The following PALLD variants were observed in gnomAD, a reference collection of about 807,000 sequenced individuals.
PALLD encodes palladin.
A neutral mutation model predicts 123.5 loss-of-function variants in PALLD; 61 were observed. The ratio of observed to expected loss-of-function variants is 0.49; its 90% CI spans 0.40 to 0.61. The LOEUF (loss-of-function observed/expected upper bound fraction) is 0.61, where lower values mean the gene tolerates loss of function less well. Ranked by LOEUF, PALLD falls within the 20% of genes least tolerant of loss-of-function variation. The pLI is 0.00. For missense variants in PALLD, 1,273 were observed against 1,377.0 expected (o/e 0.92, Z 1.20); for synonymous variants, 465 against 496.4 (o/e 0.94, Z 0.84).
chr4:168,713,126 C>T (rs1397308350), intron 10 of PALLD, among the ~76,000 whole-genome samples: 5 of 152,192 alleles, frequency 3.3e-5, no homozygotes, highest in African/African-American at 1.2e-4. Context: ...TTGCTACCCT[C>T]TACTTAATTT....
intron 10 of PALLD, among the ~76,000 whole-genome samples, chr4:168,819,847 A>G (rs1280800853): frequency 6.6e-6 from 1 of 152,232 alleles, no homozygotes; most frequent in Non-Finnish European, 1.5e-5. Flanking sequence ...GTTAAATGTA[A>G]TCTCATCCAA....
intron 2 of PALLD, among the ~76,000 whole-genome samples, chr4:168,624,665 G>A (rs1775068130): frequency 6.6e-6 from 1 of 152,092 alleles, no homozygotes; most frequent in African/African-American, 2.4e-5. Flanking sequence ...TTTATTTTTA[G>A]ATTACATTAT....
intron 2 of PALLD, among the ~76,000 whole-genome samples, chr4:168,553,836 C>A (rs1254226548): frequency 1.3e-5 from 2 of 152,134 alleles, no homozygotes; most frequent in African/African-American, 4.8e-5. Context: ...TGTTCTTTCT[C>A]CTCTCCCTCC....
chr4:168,691,547 A>G (rs1011102778), intron 8 of PALLD, among the ~76,000 whole-genome samples: 13 of 152,212 alleles, frequency 8.5e-5, no homozygotes. Flanking sequence ...CAGTGACTTC[A>G]TGCTTTTTAA....
intron 2 of PALLD, among the ~76,000 whole-genome samples, chr4:168,655,509 A>G (rs563873383): frequency 2.0e-4 from 30 of 152,336 alleles, no homozygotes; most frequent in Admixed American, 8.5e-4. Flanking sequence ...AATCACCACC[A>G]AATCTGGCTG....
At chr4:168,600,074 C>CATACATGTGTGT (rs1561291310) in intron 2 of PALLD, among the ~76,000 whole-genome samples, 58 of 64,472 alleles carry the variant, frequency 9.0e-4, no homozygotes, top group Middle Eastern at 0.013. Flanking sequence ...CATGTGTATA[C>CATACATGTGTGT]ACACACATAT....
chr4:168,501,191 T>C lies in PALLD; in HGVS notation c.-83+3997T>C, dbSNP rs376331613. ...AACTCAGGAGCCTGAGGCAGGAGGA[T>C]TGCAGAGGCCAAGAGTTCAAGACAA... On this transcript the variant is annotated intron_variant, in intron 1 of 21. Transcript: ENST00000505667. Among the ~76,000 whole-genome samples, 73 of 152,272 alleles carry C rather than the reference T, an allele frequency of 4.8e-4. 2 individuals are homozygous for C. The highest frequency in any genetic ancestry group is 1.7e-3 in the African/African-American group (70 of 41,564).
chr4:168,869,097 C>T lies in PALLD; in HGVS notation c.1965-21825C>T, dbSNP rs906237079. Among the ~76,000 whole-genome samples, 1 of 152,112 alleles carries T rather than the reference C, an allele frequency of 6.6e-6. No homozygotes were observed. Among genetic ancestry groups the T allele is most frequent in the Non-Finnish European group, 1.5e-5 (1 of 68,036 alleles). ...CGTTCTCATTCGGGTTTGGGAGTTTCACATTTTGGATACTAACAAGCCAGA... is the reference window on the plus strand; with the variant it reads ...CGTTCTCATTCGGGTTTGGGAGTTTTACATTTTGGATACTAACAAGCCAGA... On this transcript the variant is annotated intron_variant, in intron 10 of 21. Coordinates refer to ENST00000505667, the MANE Select transcript of PALLD (RefSeq NM_001166108.2). The surrounding 1 kb of genome is among the most constrained non-coding windows in gnomAD (Gnocchi z 4.5).
At chr4:168,583,742 A>G (rs1770525849) in intron 2 of PALLD, among the ~76,000 whole-genome samples, 1 of 152,084 alleles carries the variant, frequency 6.6e-6, no homozygotes, top group Non-Finnish European at 1.5e-5. Context: ...CTGTGATAAT[A>G]TTTTTCTTTT....
At chr4:168,883,504 T>G (rs372395880) in intron 10 of PALLD, among the ~76,000 whole-genome samples, 8 of 152,336 alleles carry the variant, frequency 5.3e-5, no homozygotes, top group African/African-American at 1.9e-4. Context: ...CTTATCTCTT[T>G]AATCAATATT....
intron 10 of PALLD, among the ~76,000 whole-genome samples, chr4:168,728,647 G>T (rs1786832315): frequency 6.6e-6 from 1 of 152,156 alleles, no homozygotes; most frequent in Non-Finnish European, 1.5e-5. Context: ...TATTATCAGT[G>T]AAAAGAGATA....
intron 1 of PALLD, among the ~76,000 whole-genome samples, chr4:168,509,805 G>A (rs959951282): frequency 5.3e-5 from 8 of 152,164 alleles, no homozygotes; most frequent in African/African-American, 1.9e-4. Flanking sequence ...GATGGGGTAT[G>A]TTAACATTGA....
At chr4:168,794,263 G>A (rs1242650446) in intron 10 of PALLD, among the ~76,000 whole-genome samples, 2 of 152,048 alleles carry the variant, frequency 1.3e-5, no homozygotes, top group Non-Finnish European at 2.9e-5. Context: ...GCCTGTCCTC[G>A]GGCAGTGAGA....
intron 10 of PALLD, among the ~76,000 whole-genome samples, chr4:168,772,939 G>A (rs1411954827): frequency 6.6e-6 from 1 of 152,092 alleles, no homozygotes; most frequent in Non-Finnish European, 1.5e-5. Flanking sequence ...GCTCATGCTT[G>A]CTCTCTTGGG....
chr4:168,903,527 A>G (rs1368078584), intron 14 of PALLD, among the ~76,000 whole-genome samples: 1 of 152,200 alleles, frequency 6.6e-6, no homozygotes, highest in African/African-American at 2.4e-5. Flanking sequence ...TGTAAGTGCA[A>G]TATTTTTAAA....
At chr4:168,685,718 T>G (rs527404799) in intron 6 of PALLD, among the ~76,000 whole-genome samples, 159 bp downstream of exon 6, 1 of 149,942 alleles carries the variant, frequency 6.7e-6, no homozygotes, top group East Asian at 2.0e-4. Flanking sequence ...GTTGAACGAC[T>G]GCCGTGTGAC....
At chr4:168,588,317 G>A (rs1189118692) in intron 2 of PALLD, among the ~76,000 whole-genome samples, 1 of 152,180 alleles carries the variant, frequency 6.6e-6, no homozygotes, top group Non-Finnish European at 1.5e-5. Context: ...GGGAAAGAGA[G>A]GAGCACCTTA....
chr4:168,511,588 G>A lies in PALLD; in HGVS notation c.84G>A (p.Pro28=), dbSNP rs142076299. The A allele has an allele frequency of 3.7e-5, 60 of 1,613,986 alleles. No individual in the cohort carries two copies. The highest frequency in any genetic ancestry group is 4.5e-5 in the East Asian group (2 of 44,864). Residue 28 remains proline (P), a synonymous_variant, in exon 2 of 22, where the codon CCG becomes CCA. Coordinates refer to ENST00000505667, the MANE Select transcript of PALLD (RefSeq NM_001166108.2). ...AAAGCAAGAATACTGACTTCTTCCCGGGCCTTTCTGCTTTCCTCAGCCAGG... is the reference window on the plus strand; with the variant it reads ...AAAGCAAGAATACTGACTTCTTCCCAGGCCTTTCTGCTTTCCTCAGCCAGG... ...QEESKNTDFF[P]GLSAFLSQEE...
intron 2 of PALLD, among the ~76,000 whole-genome samples, chr4:168,525,307 G>A (rs983038841): frequency 6.6e-6 from 1 of 152,210 alleles, no homozygotes; most frequent in African/African-American, 2.4e-5. Flanking sequence ...GGAGCTAAGA[G>A]GGAAGCATGA....
Sources: gnomAD v4.1 joint callset for allele counts (sites outside exome capture counted in the v4.1 genomes callset) on GRCh38, gnomAD v4.1.1 for gene constraint, Gnocchi (gnomAD v3.1) non-coding constraint, MANE v1.5 for transcripts, NCBI Gene and HGNC (gene_info 2026-07-23, HGNC 2026-07-21) for gene names.